TBL1X: variants seen among roughly 807,000 people sequenced by gnomAD.
The protein encoded by TBL1X is F-box-like/WD repeat-containing protein TBL1X.
In TBL1X, 10 loss-of-function variants were observed where a neutral mutation model predicts 50.7. The ratio of observed to expected loss-of-function variants is 0.20; its 90% CI spans 0.12 to 0.33. TBL1X has a LOEUF of 0.33. Among genes scored for constraint, TBL1X ranks in the 10% least tolerant of loss-of-function variants. The pLI, the probability that TBL1X is intolerant of heterozygous loss-of-function variation, is 1.00. For synonymous variants in TBL1X, 190 were observed against 214.7 expected (o/e 0.88, Z 1.01); for missense variants, 340 against 504.4 (o/e 0.67, Z 3.12).
At chrX:9,563,616 A>C (rs985616230) in intron 2 of TBL1X, among the ~76,000 whole-genome samples, 3 of 112,586 alleles carry the variant, frequency 2.7e-5, no homozygotes, top group Non-Finnish European at 3.8e-5. Context: ...ATGAGTATTT[A>C]AGCTTAACTA....
chrX:9,576,127 CT>C (rs1238739022), intron 2 of TBL1X, among the ~76,000 whole-genome samples: 2 of 112,199 alleles, frequency 1.8e-5, no homozygotes, highest in African/African-American at 3.2e-5. Flanking sequence ...ATTCCCCCCC[CT>C]CCTCCCAAAG....
chrX:9,511,916 G>A (rs770501844), intron 2 of TBL1X, among the ~76,000 whole-genome samples: 2 of 111,239 alleles, frequency 1.8e-5, no homozygotes, highest in African/African-American at 6.6e-5. Context: ...GTTGGCGTGC[G>A]GTGGCGCGAT....
chrX:9,560,945 G>A (rs2082322177), intron 2 of TBL1X, among the ~76,000 whole-genome samples: 1 of 111,628 alleles, frequency 9.0e-6, no homozygotes, highest in South Asian at 3.8e-4. Flanking sequence ...GGCTGATGTA[G>A]GATGTTAGAA....
chrX:9,671,749 G>C (rs1162978783), intron 5 of TBL1X, among the ~76,000 whole-genome samples: 1 of 112,281 alleles, frequency 8.9e-6, no homozygotes, highest in Non-Finnish European at 1.9e-5. Context: ...GCTCACATGG[G>C]AGGTTATGAA....
At chrX:9,692,388 G>T in intron 9 of TBL1X, 134 bp downstream of exon 9, 3 of 814,572 alleles carry the variant, frequency 3.7e-6, no homozygotes, top group Non-Finnish European at 5.1e-6. Flanking sequence ...ACTCTGATGG[G>T]CTGCCAGAGA....
chrX:9,564,588 C>T (rs765693503), intron 2 of TBL1X, among the ~76,000 whole-genome samples: 2 of 111,181 alleles, frequency 1.8e-5, no homozygotes, highest in East Asian at 5.7e-4. Flanking sequence ...CAAAAATTAG[C>T]TGGGCGTGGT....
chrX:9,630,440 C>G (rs2146577838), intron 2 of TBL1X, among the ~76,000 whole-genome samples: 1 of 111,447 alleles, frequency 9.0e-6, no homozygotes, highest in East Asian at 2.8e-4. Context: ...AGGCGCAAGT[C>G]TCTGATATAA....
At chrX:9,499,660 C>G (rs986383066) in intron 1 of TBL1X, among the ~76,000 whole-genome samples, 1 of 112,313 alleles carries the variant, frequency 8.9e-6, no homozygotes, top group Non-Finnish European at 1.9e-5. Context: ...TCAAGGCTGT[C>G]TCATTTGATG....
At chrX:9,606,794 T>TA (rs1443144625) in intron 2 of TBL1X, among the ~76,000 whole-genome samples, 1 of 112,555 alleles carries the variant, frequency 8.9e-6, no homozygotes, top group Non-Finnish European at 1.9e-5. Context: ...CCTGAGCCCC[T>TA]AATGGACGAG....
intron 1 of TBL1X, among the ~76,000 whole-genome samples, chrX:9,480,253 G>A (rs777159492): frequency 2.7e-5 from 3 of 111,861 alleles, no homozygotes; most frequent in African/African-American, 3.3e-5. Flanking sequence ...TGCACCTGGC[G>A]GGAAAGTAGA....
intron 2 of TBL1X, among the ~76,000 whole-genome samples, chrX:9,624,141 C>T (rs780786097): frequency 2.8e-4 from 31 of 112,092 alleles, no homozygotes; most frequent in Non-Finnish European, 5.6e-4. Flanking sequence ...TTTTTTGGAA[C>T]GAAGTTTATA....
chrX:9,696,256 A>G (rs1181844814), intron 11 of TBL1X, among the ~76,000 whole-genome samples: 2 of 112,534 alleles, frequency 1.8e-5, no homozygotes, highest in South Asian at 3.7e-4. Flanking sequence ...GAAGAGTTAT[A>G]CCCCAACAAA....
intron 5 of TBL1X, among the ~76,000 whole-genome samples, chrX:9,674,337 G>GCAGCCT (rs2082978095): frequency 9.0e-6 from 1 of 110,498 alleles, no homozygotes; most frequent in Non-Finnish European, 1.9e-5. Flanking sequence ...TTGCCTCACT[G>GCAGCCT]CAGCCTCAGC....
chrX:9,600,330 AGCGCTCT>A (rs2082548753), intron 2 of TBL1X, among the ~76,000 whole-genome samples: 1 of 108,150 alleles, frequency 9.2e-6, no homozygotes, highest in Non-Finnish European at 1.9e-5. Flanking sequence ...AAGGGGTGAG[AGCGCTCT>A]CTGGGGTCCC....
intron 1 of TBL1X, among the ~76,000 whole-genome samples, chrX:9,473,600 A>G (rs1422437350): frequency 8.9e-6 from 1 of 112,211 alleles, no homozygotes; most frequent in Non-Finnish European, 1.9e-5. Flanking sequence ...TTATTGGAAC[A>G]GTGTTTTCAA....
intron 1 of TBL1X, among the ~76,000 whole-genome samples, chrX:9,482,379 C>A (rs912663584): frequency 8.9e-6 from 1 of 111,831 alleles, no homozygotes; most frequent in East Asian, 2.8e-4. Context: ...GAAGCTTAGC[C>A]CATCTGCAGT....
At chrX:9,602,082 C>T (rs1016684164) in intron 2 of TBL1X, among the ~76,000 whole-genome samples, 4 of 111,917 alleles carry the variant, frequency 3.6e-5, no homozygotes, top group Non-Finnish European at 5.6e-5. Context: ...ACTATCTGTC[C>T]GCAAAAGGTC....
chrX:9,492,866 T>TA (rs1490850451), intron 1 of TBL1X, among the ~76,000 whole-genome samples: 176 of 48,772 alleles, frequency 3.6e-3, no homozygotes, highest in African/African-American at 0.013. Context: ...TGTGTGTGTG[T>TA]GTGTGTGTGT....
intron 16 of TBL1X, among the ~76,000 whole-genome samples, chrX:9,712,626 C>T (rs759911671): frequency 1.8e-5 from 2 of 112,372 alleles, no homozygotes; most frequent in Non-Finnish European, 3.8e-5. Context: ...TGTGAGCCAC[C>T]GTGCCTAGCC....
Sources: allele counts gnomAD v4.1 joint callset (sites outside exome capture counted in the v4.1 genomes callset), GRCh38; gene constraint gnomAD v4.1.1; transcripts MANE v1.5; gene names NCBI Gene and HGNC (gene_info 2026-07-23, HGNC 2026-07-21).